The following CC2D2B variants were observed in gnomAD, a reference collection of about 807,000 sequenced individuals.
CC2D2B encodes the protein coiled-coil and C2 domain containing 2B.
In CC2D2B, 128 loss-of-function variants were observed where a neutral mutation model predicts 161.2. The observed-to-expected ratio is 0.79, with a 90% CI of 0.69 to 0.92. The LOEUF is 0.92. CC2D2B is among the 40% of genes least tolerant of loss of function. The pLI is 0.00. For synonymous variants in CC2D2B, 391 were observed against 449.8 expected, an observed-to-expected ratio of 0.87 and a Z score of 1.65; for missense variants, 1,173 against 1,375.1, an observed-to-expected ratio of 0.85 and a Z score of 2.32.
In CC2D2B at chr10:95,927,231, T is replaced by G; in HGVS notation, c.241-6T>G. The G allele has an allele frequency of 1.3e-6, 2 of 1,500,718 alleles. No individual in the cohort carries two copies. The highest frequency in any genetic ancestry group is 1.8e-6 in the Non-Finnish European group (2 of 1,102,016). 93.0% of individuals were successfully genotyped at this position (1,500,718 alleles called of 1,614,324 possible). ...TATTTCAACACTAAATACTGGTTTA[T>G]CATAGTTGTCTCCACAGACTGAAGT... On this transcript the variant is annotated splice_region_variant and splice_polypyrimidine_tract_variant and intron_variant, in intron 5 of 34. Coordinates refer to ENST00000646931, the MANE Select transcript of CC2D2B (RefSeq NM_001349008.3).
Position 95,933,816 on chromosome 10 carries a change from G to A in CC2D2B, c.337-4175G>A, listed in dbSNP as rs557000849. Among the ~76,000 whole-genome samples the A allele has an allele frequency of 1.6e-3, 243 of 152,264 alleles. 1 individual carries two copies. The highest frequency in any genetic ancestry group is 3.3e-3 in the African/African-American group (139 of 41,556). On this transcript the variant is annotated intron_variant, in intron 6 of 34. Transcript: ENST00000646931. ...AGCTCTCCTGTATGAGGTGTCTGTC[G>A]ACCTGTGCTGGGAAGTGTCTCCCAG...
chr10:96,003,672 C>A (rs1170301511), intron 24 of CC2D2B, among the ~76,000 whole-genome samples: 1 of 149,794 alleles, frequency 6.7e-6, no homozygotes, highest in South Asian at 2.1e-4. Flanking sequence ...GCCAGGCTTG[C>A]CTCGAACTCC....
chr10:96,024,798 C>A, intron 32 of CC2D2B, 55 bp from the exon 33 acceptor site: 1 of 1,042,054 alleles, frequency 9.6e-7, no homozygotes, highest in Non-Finnish European at 1.4e-6. Context: ...CCAGGAGTGA[C>A]TGTGATGTAA....
rs1017558519 is a variant in CC2D2B, at chr10:96,020,143, C to T, written c.3888+319C>T. Reference sequence around the variant, plus strand: ...TTCTAACTCTGACCTAGCCCTCCTGCGCCATATCTATGGTAAGGATCAAGT... The same window carrying T: ...TTCTAACTCTGACCTAGCCCTCCTGTGCCATATCTATGGTAAGGATCAAGT... On this transcript the variant is annotated intron_variant, in intron 32 of 34. Coordinates refer to ENST00000646931, the MANE Select transcript of CC2D2B (RefSeq NM_001349008.3). The T allele has an allele frequency of 3.1e-5, 6 of 195,972 alleles. No homozygotes were observed. The South Asian group carries it at 3.2e-4, about 10-fold the overall frequency. 12.1% of individuals were successfully genotyped at this position (195,972 alleles called of 1,614,324 possible).
chr10:96,023,056 TG>T (rs2141936891), intron 32 of CC2D2B, among the ~76,000 whole-genome samples: 1 of 152,220 alleles, frequency 6.6e-6, no homozygotes, highest in Non-Finnish European at 1.5e-5. Flanking sequence ...TGGCCAATGC[TG>T]GGGTGGACAG....
chr10:95,969,940 T>A (rs930062127), intron 15 of CC2D2B, among the ~76,000 whole-genome samples: 1 of 152,058 alleles, frequency 6.6e-6, no homozygotes, highest in Non-Finnish European at 1.5e-5. Context: ...GGGAGAGGAA[T>A]CTAGTTAAGA....
intron 6 of CC2D2B, among the ~76,000 whole-genome samples, chr10:95,933,802 A>G (rs1236044189): frequency 6.6e-6 from 1 of 152,114 alleles, no homozygotes; most frequent in Non-Finnish European, 1.5e-5. Context: ...GCTCTCCTGT[A>G]TGAGGTGTCT....
At chr10:95,913,704 C>T (rs1241380374) in intron 2 of CC2D2B, among the ~76,000 whole-genome samples, 1 of 152,144 alleles carries the variant, frequency 6.6e-6, no homozygotes, top group African/African-American at 2.4e-5. Flanking sequence ...ATTTGCATTT[C>T]TCTAATGGTC....
chr10:95,970,499 C>A (rs779119794), intron 15 of CC2D2B, among the ~76,000 whole-genome samples: 1 of 152,162 alleles, frequency 6.6e-6, no homozygotes, highest in Non-Finnish European at 1.5e-5. Context: ...TTTTAAGATG[C>A]TCAATCTCAT....
chr10:96,004,826 T>G (rs941546340), intron 25 of CC2D2B, among the ~76,000 whole-genome samples: 3 of 152,202 alleles, frequency 2.0e-5, no homozygotes, highest in Admixed American at 6.5e-5. Flanking sequence ...GGTATGTAGA[T>G]TAAATGCTTT....
intron 20 of CC2D2B, among the ~76,000 whole-genome samples, chr10:95,990,602 T>A (rs993792056): frequency 6.6e-6 from 1 of 152,120 alleles, no homozygotes; most frequent in Admixed American, 6.5e-5. Flanking sequence ...TTAGGAGTTA[T>A]GTTTTTCCCA....
intron 2 of CC2D2B, chr10:95,913,339 T>C (rs1218696955): frequency 8.4e-6 from 3 of 359,154 alleles, no homozygotes; most frequent in East Asian, 9.9e-5. Flanking sequence ...TATATATATA[T>C]ACCACATTTT....
intron 17 of CC2D2B, among the ~76,000 whole-genome samples, chr10:95,980,102 C>CT (rs1187671915): frequency 6.7e-6 from 1 of 149,596 alleles, no homozygotes; most frequent in Admixed American, 6.7e-5. Flanking sequence ...TTTCCCATGC[C>CT]TTTTATAAAG....
At chr10:96,012,457 A>G (rs2079034009) in intron 27 of CC2D2B, 75 bp from the exon 28 acceptor site, 1 of 1,097,326 alleles carries the variant, frequency 9.1e-7, no homozygotes, top group African/African-American at 1.6e-5. Flanking sequence ...GATGGCAAAA[A>G]TAAACATTGG....
chr10:96,027,498 A>G (rs1333425789), intron 34 of CC2D2B, 109 bp downstream of exon 34: 4 of 728,620 alleles, frequency 5.5e-6, no homozygotes, highest in Non-Finnish European at 6.5e-6. Context: ...TTGATCCTTA[A>G]AGATAGATGC....
At chr10:95,993,942 G>GTA (rs1159212300) in intron 22 of CC2D2B, among the ~76,000 whole-genome samples, 16 of 25,364 alleles carry the variant, frequency 6.3e-4, no homozygotes, top group Non-Finnish European at 1.1e-3. Context: ...GTGTGTGTGT[G>GTA]TATGTATGTG....
Position 95,966,192 on chromosome 10 carries a change from C to T in CC2D2B, c.1356C>T (p.Ser452=). Residue 452 remains serine, a splice_region_variant and synonymous_variant, in exon 14 of 35, where the codon AGC becomes AGT. Transcript: ENST00000646931. ...KELKNGKKLE[S]LSYLASDETE... is the part of the protein sequence containing the mutation. ...TATATTTATTTTTTGATTTCTAGAG[C>T]CTCTCATATCTAGCTTCAGACGAAA... The T allele has an allele frequency of 3.4e-6, 4 of 1,169,670 alleles. No individual in the cohort carries two copies. Among genetic ancestry groups the T allele is most frequent in the Admixed American group, 8.5e-5 (2 of 23,582 alleles). 72.5% of individuals were successfully genotyped at this position (1,169,670 alleles called of 1,614,324 possible). A position where few individuals can be genotyped will look rare whatever the true frequency, so the allele number is the denominator to read the frequency against.
chr10:96,009,914 A>G lies in CC2D2B; in HGVS notation c.3036A>G (p.Gln1012=), dbSNP rs754611444. 3.1e-6 allele frequency: 5 copies of G among 1,602,762 alleles called. No homozygotes were observed. Among genetic ancestry groups the G allele is most frequent in the Non-Finnish European group, 4.3e-6 (5 of 1,170,968 alleles). ...CIVFPFSALL[Q]QSEISGTFQV... is the part of the protein sequence containing the mutation. ...TCTTCCCTTTTTCTGCTCTTCTGCAACAATCTGAGGTAAGAGAAAATGCTT... is the reference window on the plus strand; with the variant it reads ...TCTTCCCTTTTTCTGCTCTTCTGCAGCAATCTGAGGTAAGAGAAAATGCTT... The change falls in exon 26 of 35, where the codon CAA becomes CAG. Residue 1012 remains glutamine, a synonymous_variant. Transcript: ENST00000646931.
intron 9 of CC2D2B, among the ~76,000 whole-genome samples, chr10:95,945,836 G>A (rs1190372820): frequency 6.9e-6 from 1 of 145,048 alleles, no homozygotes; most frequent in African/African-American, 2.6e-5. Context: ...CCAGGCTGGA[G>A]TGCAATGGTA....
Sources: allele counts gnomAD v4.1 joint callset (sites outside exome capture counted in the v4.1 genomes callset), GRCh38; gene constraint gnomAD v4.1.1; transcripts MANE v1.5; gene names NCBI Gene and HGNC (gene_info 2026-07-23, HGNC 2026-07-21).